Variants in ITIH6 observed in about 807,000 individuals in gnomAD.
The protein encoded by ITIH6 is inter-alpha-trypsin inhibitor heavy chain family member 6, also known as inter-alpha-trypsin inhibitor heavy chain H6.
In ITIH6, 60 loss-of-function variants were observed where a neutral mutation model predicts 58.2. The ratio of observed to expected loss-of-function variants is 1.03; its 90% CI spans 0.84 to 1.28. The LOEUF is 1.28. ITIH6 is among the 50% of genes most tolerant of loss of function. The probability of loss-of-function intolerance (pLI) is 0.00; values close to 1 mark genes in which losing one functional copy is unlikely to be tolerated. For synonymous variants in ITIH6, 493 were observed against 417.4 expected (o/e 1.18, Z -2.21); for missense variants, 1,290 against 1,021.1 (o/e 1.26, Z -3.59).
At chrX:54,773,938 C>T (rs933219706) in intron 6 of ITIH6, 143 bp downstream of exon 6, 3 of 319,302 alleles carry the variant, frequency 9.4e-6, no homozygotes, top group African/African-American at 2.8e-5. Context: ...GATACCAGGA[C>T]CCTAGGGTAG....
intron 6 of ITIH6, among the ~76,000 whole-genome samples, chrX:54,767,178 G>C (rs1411246451): frequency 9.4e-6 from 1 of 106,658 alleles, no homozygotes; most frequent in Admixed American, 1.0e-4. Flanking sequence ...TATTTGCGTA[G>C]AGGTGTTTGT....
chrX:54,768,616 G>T (rs1158932741), intron 6 of ITIH6, among the ~76,000 whole-genome samples: 3 of 109,221 alleles, frequency 2.7e-5, no homozygotes, highest in Admixed American at 2.0e-4. Context: ...GCATTTGCTT[G>T]TCTGTAAAGT....
rs780994586 is a variant in ITIH6 at position 54,759,930 on chromosome X, GT to G, written c.904-4del. 2 of 1,199,409 alleles carry G rather than the reference GT, an allele frequency of 1.7e-6. No homozygotes were observed. The highest frequency in any genetic ancestry group is 4.4e-5 in the Admixed American group (2 of 45,392). ...ATCACATTCATGGCCGTTTTAGTCT[GT>G]GGGATATGGATGAAATGAAGAGAAT... is the stretch of plus-strand genomic sequence containing the variant. On this transcript the variant is annotated splice_region_variant and splice_polypyrimidine_tract_variant and intron_variant, in intron 6 of 12. Coordinates refer to ENST00000218436, the MANE Select transcript of ITIH6 (RefSeq NM_198510.3).
At chrX:54,753,346 G>A (rs997555266) in intron 11 of ITIH6, among the ~76,000 whole-genome samples, 15 of 112,591 alleles carry the variant, frequency 1.3e-4, no homozygotes, top group African/African-American at 4.5e-4. Flanking sequence ...AGCTTATGTT[G>A]AGAAACAATG....
chrX:54,779,704 C>A (rs1381739926), intron 5 of ITIH6, among the ~76,000 whole-genome samples: 1 of 110,538 alleles, frequency 9.0e-6, no homozygotes, highest in East Asian at 2.8e-4. Context: ...ATAATCACAT[C>A]GAATGTAAAT....
Position 54,767,781 on chromosome X carries a change from T to C in ITIH6, c.903+6300A>G, listed in dbSNP as rs1239134627. ...TAGTTTGTTATAATTTCTGTTCTTT[T>C]ACATTTGCTGAGGAGAGCTTTACTT... is the stretch of plus-strand genomic sequence containing the variant. On this transcript the variant is annotated intron_variant, in intron 6 of 12. Transcript: ENST00000218436. Among the ~76,000 whole-genome samples the C allele has an allele frequency of 4.1e-5, 4 of 97,745 alleles. 1 individual carries two copies. The highest frequency in any genetic ancestry group is 1.7e-4 in the African/African-American group (4 of 23,883). The allele number at this position is 97,745 out of a possible 115,157, so 84.9% of individuals were successfully genotyped here. A position where few individuals can be genotyped will look rare whatever the true frequency, so the allele number is the denominator to read the frequency against.
intron 6 of ITIH6, among the ~76,000 whole-genome samples, chrX:54,762,081 T>C (rs893141890): frequency 3.7e-4 from 42 of 112,069 alleles, no homozygotes; most frequent in Middle Eastern, 4.6e-3. Flanking sequence ...CATGGAATGT[T>C]CTTCCATTTA....
At position 54,751,196 on chromosome X, in the gene ITIH6, A is replaced by T; in HGVS notation, c.3537T>A (p.Pro1179=). 1 of 1,211,891 alleles carries T rather than the reference A, an allele frequency of 8.3e-7. No individual in the cohort carries two copies. Among genetic ancestry groups the T allele is most frequent in the African/African-American group, 1.7e-5 (1 of 57,931 alleles). ...EGTLRLSWDQ[P]ALLKRPQLEL... is the part of the protein sequence containing the mutation. ...CCAGCTGGGGCCTCTTCAGCAGGGC[A>T]GGTTGGTCCCAGGACAGGCGCAAGG... Residue 1179 remains proline, a synonymous_variant, in exon 12 of 13, where the codon CCT becomes CCA. Transcript: ENST00000218436.
In ITIH6 at chrX:54,756,809, A is replaced by AAAGCAAGCAAGCAAGC. The variant is rs555076681; in HGVS notation, c.3109+140_3109+155dup. Among the ~76,000 whole-genome samples the AAAGCAAGCAAGCAAGC allele has an allele frequency of 1.3e-3, 145 of 108,047 alleles. 1 individual carries two copies. Among genetic ancestry groups the AAAGCAAGCAAGCAAGC allele is most frequent in the African/African-American group, 4.9e-3 (139 of 28,577 alleles). 93.8% of individuals were successfully genotyped at this position (108,047 alleles called of 115,157 possible). On this transcript the variant is annotated intron_variant, in intron 8 of 12. Coordinates refer to ENST00000218436, the MANE Select transcript of ITIH6 (RefSeq NM_198510.3). Reference sequence around the variant, plus strand: ...AGTTAAGTAACTTGTCCAAAGTCCCAAAGCAAGCAAGCAAGCAAGCAAGCA... The same window carrying AAAGCAAGCAAGCAAGC: ...AGTTAAGTAACTTGTCCAAAGTCCCAAAGCAAGCAAGCAAGCAAGCAAGCAAGCAAGCAAGCAAGCA...
chrX:54,796,898 A>C, intron 2 of ITIH6, 44 bp downstream of exon 2: 1 of 1,166,483 alleles, frequency 8.6e-7, no homozygotes, highest in Non-Finnish European at 1.2e-6. Context: ...ACGAACAAAT[A>C]TATGCACAAA....
intron 5 of ITIH6, among the ~76,000 whole-genome samples, chrX:54,787,905 G>A (rs1170454674): frequency 9.0e-6 from 1 of 111,051 alleles, no homozygotes; most frequent in Non-Finnish European, 1.9e-5. Flanking sequence ...AGGCAGAGTG[G>A]AACCAGATGT....
chrX:54,768,583 C>T (rs1454839918), intron 6 of ITIH6, among the ~76,000 whole-genome samples: 3 of 106,666 alleles, frequency 2.8e-5, no homozygotes, highest in African/African-American at 1.1e-4. Context: ...TTAGGGCAGG[C>T]CTGGTGGTGA....
chrX:54,767,091 T>G (rs951620317), intron 6 of ITIH6, among the ~76,000 whole-genome samples: 9 of 110,485 alleles, frequency 8.1e-5, no homozygotes, highest in Admixed American at 7.7e-4. Flanking sequence ...TATTCAGAGA[T>G]TCAACTTCTT....
At chrX:54,798,081 A>G (rs768202477) in intron 1 of ITIH6, 28 bp downstream of exon 1, 2 of 1,034,810 alleles carry the variant, frequency 1.9e-6, no homozygotes, top group Admixed American at 5.3e-5. Flanking sequence ...CAAATCCCCA[A>G]GCTTTTTTCC....
intron 7 of ITIH6, among the ~76,000 whole-genome samples, chrX:54,759,383 C>T (rs1928587578): frequency 9.0e-6 from 1 of 111,725 alleles, no homozygotes; most frequent in Non-Finnish European, 1.9e-5. Flanking sequence ...GAGGAGACTT[C>T]AGTAGTTGTC....
rs771637040 is a variant in ITIH6 at position 54,790,270 on chromosome X, C to A, written c.616+567G>T. On this transcript the variant is annotated intron_variant, in intron 4 of 12. Transcript: ENST00000218436. Reference sequence around the variant, plus strand: ...CACCCCCATGCTACTGAACCAGACCCTGAAGGCTGGGCTCCAGGAATCTGC... The same window carrying A: ...CACCCCCATGCTACTGAACCAGACCATGAAGGCTGGGCTCCAGGAATCTGC... Among the ~76,000 whole-genome samples, 10 of 109,718 alleles carry A rather than the reference C, an allele frequency of 9.1e-5. No homozygotes were observed. In the East Asian group the frequency reaches 2.0e-3, roughly 22 times the overall value.
intron 6 of ITIH6, among the ~76,000 whole-genome samples, chrX:54,771,820 T>A (rs1315775089): frequency 9.0e-6 from 1 of 111,519 alleles, no homozygotes; most frequent in Non-Finnish European, 1.9e-5. Flanking sequence ...ATGGCTATTA[T>A]TAAATAGTTA....
At chrX:54,784,341 G>A (rs1929204232) in intron 5 of ITIH6, among the ~76,000 whole-genome samples, 1 of 111,284 alleles carries the variant, frequency 9.0e-6, no homozygotes, top group Non-Finnish European at 1.9e-5. Context: ...TGGACAAATG[G>A]GATCACATCA....
chrX:54,773,304 A>G (rs1293351456), intron 6 of ITIH6, among the ~76,000 whole-genome samples: 1 of 111,461 alleles, frequency 9.0e-6, no homozygotes, highest in African/African-American at 3.3e-5. Context: ...AGAAGGCTAG[A>G]AAGGGCTGGA....
Sources: allele counts gnomAD v4.1 joint callset (sites outside exome capture counted in the v4.1 genomes callset), GRCh38; gene constraint gnomAD v4.1.1; transcripts MANE v1.5; gene names NCBI Gene and HGNC (gene_info 2026-07-23, HGNC 2026-07-21).